Variants in CUL1 observed in about 807,000 individuals in gnomAD.
CUL1 encodes the protein cullin 1, also known as cullin-1.
CUL1 carries 24 observed loss-of-function variants against 118.0 expected under a neutral mutation model. That is an observed-to-expected ratio of 0.20 (90% CI 0.15 to 0.29). The LOEUF is 0.29. Among genes scored for constraint, CUL1 ranks in the 10% least tolerant of loss-of-function variants. CUL1 has a pLI of 1.00. For synonymous variants in CUL1, 332 were observed against 340.4 expected, an observed-to-expected ratio of 0.98 and a Z score of 0.27; for missense variants, 361 against 933.8, an observed-to-expected ratio of 0.39 and a Z score of 7.99.
Position 148,798,575 on chromosome 7 carries a change from G to A in CUL1, c.2034G>A (p.Lys678=), listed in dbSNP as rs1463654105. The change falls in exon 20 of 22, where the codon AAG becomes AAA. Residue 678 remains lysine, a synonymous_variant. Coordinates refer to ENST00000325222, the MANE Select transcript of CUL1 (RefSeq NM_003592.3). The part of the protein sequence containing the change: ...LIKLYLGYKN[K]KLRVNINVPM... ...GTTTCCTCATTTTTCTTGATAGTAA[G>A]AAATTAAGGGTTAACATCAATGTGC... is the stretch of plus-strand genomic sequence containing the variant. 1 of 1,611,396 alleles carries A rather than the reference G, an allele frequency of 6.2e-7. No homozygotes were observed. Among genetic ancestry groups the A allele is most frequent in the Non-Finnish European group, 8.5e-7 (1 of 1,177,520 alleles).
chr7:148,756,422 G>A (rs960595941), intron 3 of CUL1, among the ~76,000 whole-genome samples: 7 of 151,944 alleles, frequency 4.6e-5, no homozygotes, highest in Admixed American at 6.6e-5. Flanking sequence ...TGCAACCTCC[G>A]CCTCCTGGGT....
chr7:148,736,701 T>C (rs909580446), intron 2 of CUL1, among the ~76,000 whole-genome samples: 4 of 152,236 alleles, frequency 2.6e-5, no homozygotes, highest in Admixed American at 6.5e-5. Context: ...TGCAAGGCTC[T>C]TCAGCATATT....
chr7:148,774,063 T>C (rs1194760561), intron 9 of CUL1, among the ~76,000 whole-genome samples: 1 of 152,116 alleles, frequency 6.6e-6, no homozygotes, highest in Non-Finnish European at 1.5e-5. Context: ...ATAAATTAAA[T>C]AAATCGGAGA....
intron 9 of CUL1, among the ~76,000 whole-genome samples, chr7:148,772,895 G>A (rs1800263288): frequency 6.6e-6 from 1 of 152,066 alleles, no homozygotes. Context: ...TCGGTAGCAA[G>A]CTGTCTCCTC....
intron 9 of CUL1, among the ~76,000 whole-genome samples, chr7:148,777,241 C>T (rs972900238): frequency 2.0e-5 from 3 of 152,008 alleles, no homozygotes; most frequent in African/African-American, 7.3e-5. Flanking sequence ...AGATCAGAAT[C>T]CAAAGGTGAC....
chr7:148,711,876 T>TC (rs1798065619), intron 1 of CUL1, among the ~76,000 whole-genome samples: 1 of 152,216 alleles, frequency 6.6e-6, no homozygotes, highest in South Asian at 2.1e-4. Context: ...TTGAGATTGT[T>TC]CATCTAAATG....
chr7:148,774,237 A>G (rs17171108), intron 9 of CUL1, among the ~76,000 whole-genome samples: 1,734 of 152,272 alleles, frequency 0.011, 28 homozygotes, highest in African/African-American at 0.04. Context: ...GCCGTGGGGT[A>G]CGATCGGCTA....
At chr7:148,731,526 T>G (rs1463660569) in intron 2 of CUL1, among the ~76,000 whole-genome samples, 2 of 152,236 alleles carry the variant, frequency 1.3e-5, no homozygotes, top group African/African-American at 2.4e-5. Flanking sequence ...AATAGCTTTA[T>G]TGAGATGTAA....
rs1197920664 is a variant in CUL1, at chr7:148,781,079, A to ATTTTTTTTTT, written c.1084-2691_1084-2682dup. ...GCTAAATTCACATTTTCAAGGCCAG[A>ATTTTTTTTTT]TTTTTTTTTTTTTTTTTTTTTTGAC... On this transcript the variant is annotated intron_variant, in intron 9 of 21. Transcript: ENST00000325222. Among the ~76,000 whole-genome samples, 455 of 93,726 alleles carry ATTTTTTTTTT rather than the reference A, an allele frequency of 4.9e-3. 51 individuals are homozygous for ATTTTTTTTTT. Among genetic ancestry groups the ATTTTTTTTTT allele is most frequent in the South Asian group, 9.3e-3 (25 of 2,684 alleles). 61.5% of individuals were successfully genotyped at this position (93,726 alleles called of 152,430 possible).
At chr7:148,799,161 A>C in intron 20 of CUL1, 114 bp from the exon 21 acceptor site, 1 of 668,768 alleles carries the variant, frequency 1.5e-6, no homozygotes, top group Non-Finnish European at 2.6e-6. Flanking sequence ...GCCTGTTAGG[A>C]AATTGTGATC....
chr7:148,800,163 C>T lies in CUL1; in HGVS notation c.2251-339C>T, dbSNP rs1584829462. ...GTCCCCTGTTCCCTGTTCATGGCCT[C>T]TTCTTGTGAGACTGAGTCCTGCCGC... On this transcript the variant is annotated intron_variant, in intron 21 of 21. Transcript: ENST00000325222. This position sits in a 1 kb window ranked among gnomAD's most constrained non-coding sequence, Gnocchi z 4.6. Among the ~76,000 whole-genome samples the T allele has an allele frequency of 6.6e-6, 1 of 152,174 alleles. No individual in the cohort carries two copies. Among genetic ancestry groups the T allele is most frequent in the Non-Finnish European group, 1.5e-5 (1 of 68,024 alleles).
rs558717805 is a variant in CUL1 at position 148,713,503 on chromosome 7, G to A, written c.-162+14474G>A. 3.3e-5 allele frequency among the ~76,000 whole-genome samples: 5 copies of A among 152,194 alleles called. No homozygotes were observed. The South Asian group carries it at 8.3e-4, about 25-fold the overall frequency. On this transcript the variant is annotated intron_variant, in intron 1 of 21. Transcript: ENST00000325222. ...ATTTCTGAATTGAGCAATATTTAAGGCATTTAGTGCTTGTGTGTGGATTTT... is the reference window on the plus strand; with the variant it reads ...ATTTCTGAATTGAGCAATATTTAAGACATTTAGTGCTTGTGTGTGGATTTT...
chr7:148,788,183 C>CCT (rs1800884214), intron 13 of CUL1, among the ~76,000 whole-genome samples: 1 of 152,202 alleles, frequency 6.6e-6, no homozygotes, highest in South Asian at 2.1e-4. Flanking sequence ...CACAGCATCA[C>CCT]GTTGGAGGTT....
At chr7:148,712,221 C>T (rs1181150535) in intron 1 of CUL1, among the ~76,000 whole-genome samples, 1 of 152,196 alleles carries the variant, frequency 6.6e-6, no homozygotes. Flanking sequence ...ACAACAGCAT[C>T]CCATTCATTC....
intron 1 of CUL1, among the ~76,000 whole-genome samples, chr7:148,716,576 G>A (rs1798220982): frequency 6.6e-6 from 1 of 151,976 alleles, no homozygotes. Flanking sequence ...TTCTCCTTCC[G>A]CCATGGGTAA....
At chr7:148,771,353 C>T (rs541233532) in intron 9 of CUL1, among the ~76,000 whole-genome samples, 1 of 152,314 alleles carries the variant, frequency 6.6e-6, no homozygotes, top group South Asian at 2.1e-4. Context: ...TTAGAACCTA[C>T]TTATGAATTT....
chr7:148,790,038 A>G (rs532319371), intron 15 of CUL1, among the ~76,000 whole-genome samples: 6 of 152,364 alleles, frequency 3.9e-5, no homozygotes, highest in African/African-American at 1.4e-4. Flanking sequence ...CTCTACAGAC[A>G]TGTTTCCTTA....
rs1021570188 is a variant in CUL1 at position 148,716,414 on chromosome 7, C to T, written c.-161-13548C>T. 3.9e-5 allele frequency among the ~76,000 whole-genome samples: 6 copies of T among 152,258 alleles called. No individual in the cohort carries two copies. In the East Asian group the frequency reaches 9.6e-4, roughly 24 times the overall value. On this transcript the variant is annotated intron_variant, in intron 1 of 21. Transcript: ENST00000325222. ...TTTGCTAAAAGTACTGCATCTGTTG[C>T]CTGCATTCATAATCAAAGGAACTGT...
intron 1 of CUL1, among the ~76,000 whole-genome samples, chr7:148,714,777 A>G (rs1444195404): frequency 6.6e-6 from 1 of 152,210 alleles, no homozygotes; most frequent in Non-Finnish European, 1.5e-5. Flanking sequence ...TCTTTATACC[A>G]GACTTTGAAT....
Sources: gnomAD v4.1 joint callset for allele counts (sites outside exome capture counted in the v4.1 genomes callset) on GRCh38, gnomAD v4.1.1 for gene constraint, Gnocchi (gnomAD v3.1) non-coding constraint, MANE v1.5 for transcripts, NCBI Gene and HGNC (gene_info 2026-07-23, HGNC 2026-07-21) for gene names.